The following CNOT1 variants were observed in gnomAD, a reference collection of about 807,000 sequenced individuals.
CNOT1 encodes the protein CCR4-NOT transcription complex subunit 1.
Under a neutral mutation model 273.8 loss-of-function variants are expected in CNOT1, and 15 were observed. That is an observed-to-expected ratio of 0.05 (90% confidence interval 0.04 to 0.08). The LOEUF is 0.08. CNOT1 is among the 10% of genes least tolerant of loss of function. CNOT1 has a pLI of 1.00. For missense variants in CNOT1, 1,644 were observed against 2,912.2 expected (o/e 0.56, Z 10.02); for synonymous variants, 1,022 against 1,005.5 (o/e 1.02, Z -0.31).
chr16:58,589,546 G>A (rs1027151573), intron 2 of CNOT1, among the ~76,000 whole-genome samples: 1 of 152,118 alleles, frequency 6.6e-6, no homozygotes, highest in Non-Finnish European at 1.5e-5. Flanking sequence ...CCTATAGTCA[G>A]TCACTGGCAG....
At chr16:58,582,725 A>C in intron 10 of CNOT1, 68 bp downstream of exon 10, 1 of 937,710 alleles carries the variant, frequency 1.1e-6, no homozygotes, top group Non-Finnish European at 1.7e-6. Flanking sequence ...AAATTCTTAA[A>C]AATTTGCTTT....
chr16:58,593,950 T>C (rs1285361292), intron 2 of CNOT1, among the ~76,000 whole-genome samples: 1 of 151,626 alleles, frequency 6.6e-6, no homozygotes, highest in East Asian at 2.0e-4. Context: ...TTATATTAAA[T>C]GAAAAAAGGC....
rs745718061 is a variant in CNOT1, at chr16:58,521,142, C to T, written c.7052+41G>A. The T allele has an allele frequency of 3.7e-6, 6 of 1,613,096 alleles. No homozygotes were observed. In the African/African-American group the frequency reaches 8.0e-5, roughly 22 times the overall value. ...CTAGAGACAGATGGTTTTCAGTCTCCAGTCTCATTCCTAGACAATTAAAAA... is the reference window on the plus strand; with the variant it reads ...CTAGAGACAGATGGTTTTCAGTCTCTAGTCTCATTCCTAGACAATTAAAAA... On this transcript the variant is annotated intron_variant, in intron 48 of 48. Transcript: ENST00000317147.
intron 1 of CNOT1, among the ~76,000 whole-genome samples, chr16:58,616,292 A>G (rs2043078293): frequency 9.1e-6 from 1 of 109,652 alleles, no homozygotes; most frequent in South Asian, 2.6e-4. Context: ...TTTTAGTGGA[A>G]ACAGGGTTTC....
chr16:58,602,540 A>G (rs1435791353), intron 1 of CNOT1, among the ~76,000 whole-genome samples: 7 of 125,686 alleles, frequency 5.6e-5, no homozygotes, highest in South Asian at 2.8e-4. Flanking sequence ...GCAACAGAGC[A>G]AGACTCTGTC....
At chr16:58,521,762 G>C (rs1234381210) in intron 47 of CNOT1, among the ~76,000 whole-genome samples, 1 of 152,042 alleles carries the variant, frequency 6.6e-6, no homozygotes, top group Admixed American at 6.6e-5. Context: ...GACCAGCCTG[G>C]CCAACATGGT....
intron 29 of CNOT1, 122 bp from the exon 30 acceptor site, chr16:58,545,613 A>ACCCG: frequency 6.8e-7 from 1 of 1,466,554 alleles, no homozygotes; most frequent in Non-Finnish European, 9.1e-7. Flanking sequence ...AGAGGAGGGA[A>ACCCG]GGATGTAGCA....
intron 1 of CNOT1, among the ~76,000 whole-genome samples, chr16:58,607,308 G>A (rs530474162): frequency 2.6e-5 from 4 of 152,126 alleles, no homozygotes; most frequent in Admixed American, 6.6e-5. Context: ...AAACATCCTG[G>A]ACCGTGTATA....
At chr16:58,612,718 G>A (rs2042943689) in intron 1 of CNOT1, among the ~76,000 whole-genome samples, 2 of 152,132 alleles carry the variant, frequency 1.3e-5, no homozygotes, top group African/African-American at 2.4e-5. Context: ...CAGCCTGGGC[G>A]ACAAGAGCAA....
chr16:58,574,470 A>G (rs2041393214), intron 16 of CNOT1, 139 bp downstream of exon 16: 1 of 710,734 alleles, frequency 1.4e-6, no homozygotes, highest in East Asian at 3.1e-5. Context: ...TGTATCATAA[A>G]TAGTATAGGA....
chr16:58,588,430 A>G (rs34933120), intron 3 of CNOT1, among the ~76,000 whole-genome samples: 8 of 152,328 alleles, frequency 5.3e-5, no homozygotes, highest in African/African-American at 1.9e-4. Context: ...GAGCTCATTG[A>G]CAAGATTACT....
chr16:58,614,091 CAA>C (rs377347672), intron 1 of CNOT1, among the ~76,000 whole-genome samples: 8 of 51,958 alleles, frequency 1.5e-4, no homozygotes, highest in East Asian at 3.5e-4. Flanking sequence ...GACACTGTCT[CAA>C]AAAAAAAAAA....
At position 58,520,772 on chromosome 16, in the gene CNOT1, A is replaced by T; in HGVS notation, c.*186T>A. The T allele has an allele frequency of 1.6e-6, 1 of 606,096 alleles. No homozygotes were observed. Among genetic ancestry groups the T allele is most frequent in the Middle Eastern group, 4.4e-4 (1 of 2,260 alleles). 37.5% of individuals were successfully genotyped at this position (606,096 alleles called of 1,614,324 possible). A position where few individuals can be genotyped will look rare whatever the true frequency, so the allele number is the denominator to read the frequency against. Reference sequence around the variant, plus strand: ...TAAATTTTGGCCAAGAGTCAAAAAAATGCATTTAAACTTTGGAACGTGCCC... The same window carrying T: ...TAAATTTTGGCCAAGAGTCAAAAAATTGCATTTAAACTTTGGAACGTGCCC... On this transcript the variant is annotated 3_prime_UTR_variant, in exon 49 of 49. Coordinates refer to ENST00000317147, the MANE Select transcript of CNOT1 (RefSeq NM_016284.5).
chr16:58,575,501 A>G lies in CNOT1; in HGVS notation c.1705-372T>C, dbSNP rs1042910928. Among the ~76,000 whole-genome samples the G allele has an allele frequency of 1.4e-4, 21 of 152,298 alleles. 1 individual carries two copies. The highest frequency in any genetic ancestry group is 2.8e-4 in the Non-Finnish European group (19 of 68,024). On this transcript the variant is annotated intron_variant, in intron 14 of 48. Transcript: ENST00000317147. Reference sequence around the variant, plus strand: ...CAGTACATTAATGCACCTAGTGATTAATAATATAGAGTCTAGGCTGTACGT... The same window carrying G: ...CAGTACATTAATGCACCTAGTGATTGATAATATAGAGTCTAGGCTGTACGT...
chr16:58,574,326 T>C (rs79529814), intron 16 of CNOT1, among the ~76,000 whole-genome samples: 5,497 of 151,694 alleles, frequency 0.036, 321 homozygotes, highest in African/African-American at 0.12. Flanking sequence ...ATTGCTTTTT[T>C]TGAGAATAAT....
At chr16:58,544,799 T>C (rs1397117417) in intron 30 of CNOT1, among the ~76,000 whole-genome samples, 1 of 152,174 alleles carries the variant, frequency 6.6e-6, no homozygotes, top group South Asian at 2.1e-4. Context: ...AATGTCCCCT[T>C]GAATGTACAA....
chr16:58,582,420 G>T (rs1200171610), intron 10 of CNOT1, among the ~76,000 whole-genome samples: 1 of 152,114 alleles, frequency 6.6e-6, no homozygotes, highest in Non-Finnish European at 1.5e-5. Context: ...GTCCAATATG[G>T]GCAACACAGC....
rs938883174 is a variant in CNOT1, at chr16:58,575,551, C to A, written c.1705-422G>T. 2.6e-5 allele frequency among the ~76,000 whole-genome samples: 4 copies of A among 152,290 alleles called. No individual in the cohort carries two copies. The South Asian group carries it at 8.3e-4, about 32-fold the overall frequency. On this transcript the variant is annotated intron_variant, in intron 14 of 48. Transcript: ENST00000317147. ...TGGTGGCTCACGACTGTAATCCCAG[C>A]ACTTTGGGAGGCCAAGGTGGGTGGA...
At chr16:58,580,860 A>G (rs2041631886) in intron 11 of CNOT1, 100 bp from the exon 12 acceptor site, 2 of 1,155,242 alleles carry the variant, frequency 1.7e-6, no homozygotes, top group Non-Finnish European at 2.4e-6. Context: ...GGTTATTAGC[A>G]TGGCAATTTC....
Sources: allele counts gnomAD v4.1 joint callset (sites outside exome capture counted in the v4.1 genomes callset), GRCh38; gene constraint gnomAD v4.1.1; transcripts MANE v1.5; gene names NCBI Gene and HGNC (gene_info 2026-07-23, HGNC 2026-07-21).